The following P2RX7 variants were observed in gnomAD, a reference collection of about 807,000 sequenced individuals.
The protein encoded by P2RX7 is purinergic receptor P2X 7.
In P2RX7, 62 loss-of-function variants were observed where a neutral mutation model predicts 71.6. The ratio of observed to expected loss-of-function variants is 0.87; its 90% CI spans 0.71 to 1.07. The LOEUF is 1.07. Ranked by LOEUF, P2RX7 falls within the 50% of genes least tolerant of loss-of-function variation. The pLI is 0.00. For synonymous variants in P2RX7, 299 were observed against 283.3 expected (o/e 1.06, Z -0.56); for missense variants, 686 against 748.5 (o/e 0.92, Z 0.97).
rs147296394 is a variant in P2RX7 at position 121,170,177 on chromosome 12, C to T, written c.881+2553C>T. Reference sequence around the variant, plus strand: ...TAATTGTGATAACTTTTTGATCATCCCCTGCCGCTGTGCTGAATAGGCTTA... The same window carrying T: ...TAATTGTGATAACTTTTTGATCATCTCCTGCCGCTGTGCTGAATAGGCTTA... On this transcript the variant is annotated intron_variant, in intron 8 of 12. Transcript: ENST00000328963. Among the ~76,000 whole-genome samples, 17 of 152,184 alleles carry T rather than the reference C, an allele frequency of 1.1e-4. No individual in the cohort carries two copies. In the East Asian group the frequency reaches 3.1e-3, roughly 28 times the overall value.
chr12:121,138,739 G>A (rs1874223147), intron 1 of P2RX7, among the ~76,000 whole-genome samples: 1 of 152,232 alleles, frequency 6.6e-6, no homozygotes. Context: ...CTGGGCTGTG[G>A]AGACTCCATC....
At position 121,149,839 on chromosome 12, in the gene P2RX7, C is replaced by T. The variant is rs886155216; in HGVS notation, c.126-4946C>T. Among the ~76,000 whole-genome samples the T allele has an allele frequency of 1.1e-4, 17 of 152,090 alleles. No homozygotes were observed. Among genetic ancestry groups the T allele is most frequent in the African/African-American group, 3.9e-4 (16 of 41,420 alleles). ...CCTACCTCGGTCTAACAAGTAGCTG[C>T]GAATATAGGTGCACACCACCACACC... On this transcript the variant is annotated intron_variant, in intron 1 of 12. Coordinates refer to ENST00000328963, the MANE Select transcript of P2RX7 (RefSeq NM_002562.6). The surrounding 1 kb of genome is among the most constrained non-coding windows in gnomAD (Gnocchi z 4.7).
chr12:121,144,052 C>T (rs955282373), intron 1 of P2RX7, among the ~76,000 whole-genome samples: 3 of 152,192 alleles, frequency 2.0e-5, no homozygotes, highest in African/African-American at 7.2e-5. Context: ...CTCCCACTTC[C>T]TCCTGGTGGT....
In P2RX7 at chr12:121,184,863, T is replaced by A; in HGVS notation, c.*61T>A. On this transcript the variant is annotated 3_prime_UTR_variant, in exon 13 of 13. Transcript: ENST00000328963. ...GCTTTGGGAGGCCGAGGCAGGCAGA[T>A]CACCTGAGGTCGGGAGTTGGAGACC... 1 of 1,341,588 alleles carries A rather than the reference T, an allele frequency of 7.5e-7. No individual in the cohort carries two copies. The highest frequency in any genetic ancestry group is 1.0e-6 in the Non-Finnish European group (1 of 989,716). 83.1% of individuals were successfully genotyped at this position (1,341,588 alleles called of 1,614,324 possible).
intron 8 of P2RX7, among the ~76,000 whole-genome samples, chr12:121,169,452 C>G (rs1031296902): frequency 1.3e-5 from 2 of 152,182 alleles, no homozygotes; most frequent in Non-Finnish European, 2.9e-5. Context: ...CTTTGAAATA[C>G]TGTCTTCAGT....
At chr12:121,158,105 C>T (rs1026292635) in intron 3 of P2RX7, among the ~76,000 whole-genome samples, 1 of 152,084 alleles carries the variant, frequency 6.6e-6, no homozygotes, top group African/African-American at 2.4e-5. Context: ...CCCATCAACA[C>T]CCCTCTATCT....
intron 1 of P2RX7, among the ~76,000 whole-genome samples, chr12:121,139,107 C>A (rs901803655): frequency 1.3e-5 from 2 of 152,066 alleles, no homozygotes; most frequent in Admixed American, 6.6e-5. Context: ...ACACCCGGCT[C>A]ATTTTTGTAT....
At chr12:121,161,505 A>T (rs934392910) in intron 4 of P2RX7, among the ~76,000 whole-genome samples, 19 of 152,194 alleles carry the variant, frequency 1.2e-4, no homozygotes, top group Non-Finnish European at 2.2e-4. Context: ...TTAAAAAGGC[A>T]CAGGGCAGCG....
At chr12:121,164,555 C>T (rs556898387) in intron 5 of P2RX7, among the ~76,000 whole-genome samples, 21 of 151,962 alleles carry the variant, frequency 1.4e-4, no homozygotes, top group Middle Eastern at 3.4e-3. Context: ...CTGAGGCAGG[C>T]GGATCACTTG....
Position 121,186,121 on chromosome 12 carries a change from G to C in P2RX7, c.*1319G>C, listed in dbSNP as rs934760028. On this transcript the variant is annotated 3_prime_UTR_variant, in exon 13 of 13. Coordinates refer to ENST00000328963, the MANE Select transcript of P2RX7 (RefSeq NM_002562.6). The stretch of plus-strand genomic sequence containing the variant: ...ACTGCCCTGCTGTGAGGAAGCCCAA[G>C]CAGTCACGTGGACAGTGCCTGACCA... 6.6e-6 allele frequency: 1 copy of C among 151,990 alleles called. No homozygotes were observed. The highest frequency in any genetic ancestry group is 6.6e-5 in the Admixed American group (1 of 15,194). The allele number at this position is 151,990 out of a possible 1,614,324, so 9.4% of individuals were successfully genotyped here. A position where few individuals can be genotyped will look rare whatever the true frequency, so the allele number is the denominator to read the frequency against.
intron 12 of P2RX7, among the ~76,000 whole-genome samples, chr12:121,182,204 T>C (rs1238187897): frequency 6.6e-6 from 1 of 152,234 alleles, no homozygotes; most frequent in African/African-American, 2.4e-5. Flanking sequence ...AATTTGAATG[T>C]GTTGTACTAT....
At position 121,154,750 on chromosome 12, in the gene P2RX7, C is replaced by T; in HGVS notation, c.126-35C>T. 1 of 1,422,146 alleles carries T rather than the reference C, an allele frequency of 7.0e-7. No homozygotes were observed. Among genetic ancestry groups the T allele is most frequent in the South Asian group, 1.1e-5 (1 of 87,228 alleles). The allele number at this position is 1,422,146 out of a possible 1,614,324, so 88.1% of individuals were successfully genotyped here. A position where few individuals can be genotyped will look rare whatever the true frequency, so the allele number is the denominator to read the frequency against. On this transcript the variant is annotated intron_variant, in intron 1 of 12. Coordinates refer to ENST00000328963, the MANE Select transcript of P2RX7 (RefSeq NM_002562.6). This position sits in a 1 kb window ranked among gnomAD's most constrained non-coding sequence, Gnocchi z 4.2. ...CTGCATCCCAACCCGCTGTGCTATG[C>T]CTCCCGTTGATGCTTTCCCATGTCT...
chr12:121,158,267 T>C (rs2136055458), intron 3 of P2RX7, among the ~76,000 whole-genome samples: 1 of 152,374 alleles, frequency 6.6e-6, no homozygotes, highest in African/African-American at 2.4e-5. Flanking sequence ...AGTGGTTGAC[T>C]GAGTTCAGCT....
At chr12:121,175,839 C>T (rs554558081) in intron 9 of P2RX7, among the ~76,000 whole-genome samples, 6 of 151,876 alleles carry the variant, frequency 4.0e-5, no homozygotes, top group African/African-American at 1.4e-4. Flanking sequence ...GTTCACGTAA[C>T]TGAAAAAATC....
chr12:121,177,308 C>A lies in P2RX7; in HGVS notation c.1050C>A (p.Phe350Leu), dbSNP rs746492410. Residue 350 changes from phenylalanine to leucine, a missense_variant, in exon 11 of 13, where the codon TTC becomes TTA. By Grantham distance (22) the Phe-to-Leu change is conservative. Transcript: ENST00000328963. ...TLSYFGLAAV[F>L]IDFLIDTYSS... ...TGCATTCTCCCCAGGCCGCTGTGTT[C>A]ATCGACTTCCTCATCGACACTTACT... 1.2e-6 allele frequency: 2 copies of A among 1,614,100 alleles called. No individual in the cohort carries two copies. The highest frequency in any genetic ancestry group is 2.2e-5 in the South Asian group (2 of 91,070).
chr12:121,155,809 C>A (rs1044117499), intron 2 of P2RX7, among the ~76,000 whole-genome samples: 8 of 151,802 alleles, frequency 5.3e-5, no homozygotes, highest in Non-Finnish European at 7.4e-5. Flanking sequence ...AAAACAAAAA[C>A]AAAAACAAAA....
chr12:121,136,023 A>AAAAAAAAAAAAAAAATAT, intron 1 of P2RX7, among the ~76,000 whole-genome samples: 7 of 15,260 alleles, frequency 4.6e-4, no homozygotes, highest in African/African-American at 7.3e-4. Flanking sequence ...AAAAAAAAAA[A>AAAAAAAAAAAAAAAATAT]ATATATATAT....
chr12:121,146,929 A>G (rs1021892675), intron 1 of P2RX7, among the ~76,000 whole-genome samples: 2 of 152,238 alleles, frequency 1.3e-5, no homozygotes, highest in African/African-American at 4.8e-5. Flanking sequence ...AAAAAGCAAT[A>G]AAAGGCATCC....
intron 1 of P2RX7, among the ~76,000 whole-genome samples, chr12:121,138,845 G>T (rs956516217): frequency 1.3e-5 from 2 of 152,212 alleles, no homozygotes; most frequent in African/African-American, 4.8e-5. Flanking sequence ...GCCCATGGAG[G>T]TTGCCAGCTC....
Sources: gnomAD v4.1 joint callset for allele counts (sites outside exome capture counted in the v4.1 genomes callset) on GRCh38, gnomAD v4.1.1 for gene constraint, Gnocchi (gnomAD v3.1) non-coding constraint, MANE v1.5 for transcripts, NCBI Gene and HGNC (gene_info 2026-07-23, HGNC 2026-07-21) for gene names.